BRIP1: variants seen among roughly 807,000 people sequenced by gnomAD.
The protein encoded by BRIP1 is BRCA1 interacting DNA helicase 1.
In BRIP1, 88 loss-of-function variants were observed where a neutral mutation model predicts 119.7. The ratio of observed to expected loss-of-function variants is 0.74; its 90% CI spans 0.62 to 0.88. BRIP1 has a LOEUF of 0.88. BRIP1 is among the 40% of genes least tolerant of loss of function. BRIP1 has a pLI of 0.00. For missense variants in BRIP1, 1,259 were observed against 1,455.4 expected (o/e 0.87, Z 2.20); for synonymous variants, 443 against 496.5 (o/e 0.89, Z 1.43).
intron 6 of BRIP1, among the ~76,000 whole-genome samples, chr17:61,830,491 AG>A (rs960947303): frequency 2.0e-5 from 3 of 152,120 alleles, no homozygotes; most frequent in Non-Finnish European, 4.4e-5. Context: ...GAAATGAAAG[AG>A]GGCATATCAC....
At chr17:61,779,850 A>C (rs2077587299) in intron 13 of BRIP1, among the ~76,000 whole-genome samples, 1 of 151,952 alleles carries the variant, frequency 6.6e-6, no homozygotes, top group Non-Finnish European at 1.5e-5. Context: ...CAGCAACTTG[A>C]GAGGCTGAAG....
At chr17:61,773,565 T>A (rs2077490386) in intron 14 of BRIP1, among the ~76,000 whole-genome samples, 1 of 151,670 alleles carries the variant, frequency 6.6e-6, no homozygotes, top group East Asian at 1.9e-4. Flanking sequence ...AAAAATGGGA[T>A]CTAATTAAAC....
rs1188426410 is a variant in BRIP1 at position 61,724,678 on chromosome 17, A to G, written c.2380-8615T>C. 6.6e-6 allele frequency among the ~76,000 whole-genome samples: 1 copy of G among 152,188 alleles called. No individual in the cohort carries two copies. The highest frequency in any genetic ancestry group is 1.9e-4 in the East Asian group (1 of 5,206). On this transcript the variant is annotated intron_variant, in intron 16 of 19. Coordinates refer to ENST00000259008, the MANE Select transcript of BRIP1 (RefSeq NM_032043.3). This position sits in a 1 kb window ranked among gnomAD's most constrained non-coding sequence, Gnocchi z 5.1. ...ATAAATGCCTTCCTGAAAGCAATCAATAGAAGAATATAATTTTTTTCTTGT... is the reference window on the plus strand; with the variant it reads ...ATAAATGCCTTCCTGAAAGCAATCAGTAGAAGAATATAATTTTTTTCTTGT...
Position 61,710,694 on chromosome 17 carries a change from G to C in BRIP1, c.2492+5257C>G, listed in dbSNP as rs535531205. The stretch of plus-strand genomic sequence containing the variant: ...GTAGAGGATAAGGATGAAAAAGCAG[G>C]TATTACAGTTTTAGAAATGGATGGG... On this transcript the variant is annotated intron_variant, in intron 17 of 19. Coordinates refer to ENST00000259008, the MANE Select transcript of BRIP1 (RefSeq NM_032043.3). The surrounding 1 kb of genome is among the most constrained non-coding windows in gnomAD (Gnocchi z 5.4). Among the ~76,000 whole-genome samples the C allele has an allele frequency of 5.9e-5, 9 of 152,244 alleles. No individual in the cohort carries two copies. In the East Asian group the frequency reaches 1.7e-3, roughly 29 times the overall value.
chr17:61,729,096 CAT>C lies in BRIP1; in HGVS notation c.2380-13035_2380-13034del, dbSNP rs1258224468. Among the ~76,000 whole-genome samples, 2 of 151,914 alleles carry C rather than the reference CAT, an allele frequency of 1.3e-5. No individual in the cohort carries two copies. Among genetic ancestry groups the C allele is most frequent in the African/African-American group, 4.8e-5 (2 of 41,362 alleles). The stretch of plus-strand genomic sequence containing the variant: ...GGGAGTTCGAGACCAGCCTGACCAA[CAT>C]AGAGACACCCCATCTCTACTAAAAA... On this transcript the variant is annotated intron_variant, in intron 16 of 19. Coordinates refer to ENST00000259008, the MANE Select transcript of BRIP1 (RefSeq NM_032043.3). The surrounding 1 kb of genome is among the most constrained non-coding windows in gnomAD (Gnocchi z 5.6).
intron 14 of BRIP1, among the ~76,000 whole-genome samples, chr17:61,773,909 T>C: frequency 6.6e-6 from 1 of 152,106 alleles, no homozygotes; most frequent in Admixed American, 6.6e-5. Context: ...CCAGTTAGAA[T>C]GGTGATCATT....
At chr17:61,790,874 G>A (rs879917303) in intron 10 of BRIP1, among the ~76,000 whole-genome samples, 2 of 151,940 alleles carry the variant, frequency 1.3e-5, no homozygotes. Flanking sequence ...CAATCCGCCA[G>A]CCTCAGCCTG....
At position 61,803,727 on chromosome 17, in the gene BRIP1, A is replaced by G. The variant is rs1203405977; in HGVS notation, c.919-2253T>C. On this transcript the variant is annotated intron_variant, in intron 7 of 19. Coordinates refer to ENST00000259008, the MANE Select transcript of BRIP1 (RefSeq NM_032043.3). The surrounding 1 kb of genome is among the most constrained non-coding windows in gnomAD (Gnocchi z 4.3). ...CTATTAAAAATGTACAAAATTAGAA[A>G]AGTATATATATTTTTAGTAGAAGTA... 6.6e-6 allele frequency among the ~76,000 whole-genome samples: 1 copy of G among 152,194 alleles called. No homozygotes were observed. The highest frequency in any genetic ancestry group is 1.5e-5 in the Non-Finnish European group (1 of 68,040).
At position 61,848,874 on chromosome 17, in the gene BRIP1, A is replaced by G. The variant is rs1260218141; in HGVS notation, c.507+255T>C. On this transcript the variant is annotated intron_variant, in intron 5 of 19. Transcript: ENST00000259008. This position sits in a 1 kb window ranked among gnomAD's most constrained non-coding sequence, Gnocchi z 4.3. ...TATCACTAAGATATGCCTTAAGTAA[A>G]TATTTTACTATCAAATTCCTCATAT... Among the ~76,000 whole-genome samples the G allele has an allele frequency of 6.6e-6, 1 of 152,198 alleles. No homozygotes were observed. The highest frequency in any genetic ancestry group is 1.5e-5 in the Non-Finnish European group (1 of 68,036).
chr17:61,764,948 T>A (rs2077329937), intron 14 of BRIP1, among the ~76,000 whole-genome samples: 1 of 151,990 alleles, frequency 6.6e-6, no homozygotes, highest in Admixed American at 6.6e-5. Flanking sequence ...AGGTGCAGCA[T>A]TTAAGAGACC....
chr17:61,801,254 C>T lies in BRIP1; in HGVS notation c.1139G>A (p.Ser380Asn), dbSNP rs569696977. 1.9e-6 allele frequency: 3 copies of T among 1,609,072 alleles called. No individual in the cohort carries two copies. Among genetic ancestry groups the T allele is most frequent in the Non-Finnish European group, 2.6e-6 (3 of 1,175,400 alleles). ...NYLLDAQIRE[S>N]MDLNLKEQVV... The stretch of plus-strand genomic sequence containing the variant: ...TCTCATTTTTACACATATACTCACA[C>T]TTTCCCTTATTTGTGCATCTAGAAG... The change falls in exon 8 of 20, where the codon AGT becomes AAT. Residue 380 changes from serine to asparagine, a missense_variant and splice_region_variant. Ser to Asn is a conservative substitution (Grantham distance 46, BLOSUM62 1). This residue lies in a region of BRIP1 where 501 missense variants were observed against 544.0 expected (regional missense o/e 0.92). Transcript: ENST00000259008.
rs907357440 is a variant in BRIP1 at position 61,755,429 on chromosome 17, T to A, written c.2098-10838A>T. On this transcript the variant is annotated intron_variant, in intron 14 of 19. Coordinates refer to ENST00000259008, the MANE Select transcript of BRIP1 (RefSeq NM_032043.3). The surrounding 1 kb of genome is among the most constrained non-coding windows in gnomAD (Gnocchi z 4.5). ...CAAAAATTAGCTGGGTGTGGTGGTG[T>A]GTGCCTGTGATCCCAGTTACTCAGG... 2.6e-5 allele frequency among the ~76,000 whole-genome samples: 4 copies of A among 151,904 alleles called. No homozygotes were observed. Among genetic ancestry groups the A allele is most frequent in the Non-Finnish European group, 5.9e-5 (4 of 67,900 alleles).
At chr17:61,858,443 G>A (rs1470365504) in intron 3 of BRIP1, among the ~76,000 whole-genome samples, 1 of 150,276 alleles carries the variant, frequency 6.7e-6, no homozygotes, top group African/African-American at 2.5e-5. Context: ...GCGCGATCTC[G>A]GCTCACTGCA....
At position 61,832,806 on chromosome 17, in the gene BRIP1, T is replaced by A. The variant is rs528218601; in HGVS notation, c.627+14295A>T. ...ATTTAAACCGGTTCTGAGTATTAGATGGCAACAATGAATCAATTTTAACTT... is the reference window on the plus strand; with the variant it reads ...ATTTAAACCGGTTCTGAGTATTAGAAGGCAACAATGAATCAATTTTAACTT... On this transcript the variant is annotated intron_variant, in intron 6 of 19. Transcript: ENST00000259008. The surrounding 1 kb of genome is among the most constrained non-coding windows in gnomAD (Gnocchi z 5.5). Among the ~76,000 whole-genome samples, 1 of 152,248 alleles carries A rather than the reference T, an allele frequency of 6.6e-6. No homozygotes were observed. The highest frequency in any genetic ancestry group is 2.4e-5 in the African/African-American group (1 of 41,466).
rs189707813 is a variant in BRIP1 at position 61,799,031 on chromosome 17, C to T, written c.1340+69G>A. Reference sequence around the variant, plus strand: ...AACCAAAGTTTACTAACTTTAAATACTCTGGCATAATCAAACATATTTTTC... The same window carrying T: ...AACCAAAGTTTACTAACTTTAAATATTCTGGCATAATCAAACATATTTTTC... On this transcript the variant is annotated intron_variant, in intron 9 of 19. Coordinates refer to ENST00000259008, the MANE Select transcript of BRIP1 (RefSeq NM_032043.3). This position sits in a 1 kb window ranked among gnomAD's most constrained non-coding sequence, Gnocchi z 5.1. 3.5e-5 allele frequency: 51 copies of T among 1,439,486 alleles called. No individual in the cohort carries two copies. The African/African-American group carries it at 6.2e-4, about 17-fold the overall frequency. 89.2% of individuals were successfully genotyped at this position (1,439,486 alleles called of 1,614,324 possible).
chr17:61,791,523 T>C (rs941361003), intron 10 of BRIP1, among the ~76,000 whole-genome samples: 2 of 149,496 alleles, frequency 1.3e-5, no homozygotes, highest in Non-Finnish European at 3.0e-5. Flanking sequence ...ATTTGAGTTT[T>C]CCATTGTCAT....
chr17:61,775,620 TA>T lies in BRIP1; in HGVS notation c.2097+780del, dbSNP rs1195765813. On this transcript the variant is annotated intron_variant, in intron 14 of 19. Coordinates refer to ENST00000259008, the MANE Select transcript of BRIP1 (RefSeq NM_032043.3). This position sits in a 1 kb window ranked among gnomAD's most constrained non-coding sequence, Gnocchi z 4.4. ...ATATACTAAATAATTTCAAATTAAC[TA>T]AAAAAAATTATTAAAAATCAGTGAC... Among the ~76,000 whole-genome samples, 1 of 151,842 alleles carries T rather than the reference TA, an allele frequency of 6.6e-6. No individual in the cohort carries two copies. Among genetic ancestry groups the T allele is most frequent in the Non-Finnish European group, 1.5e-5 (1 of 67,938 alleles).
In BRIP1 at chr17:61,760,204, G is replaced by A. The variant is rs2077258047; in HGVS notation, c.2098-15613C>T. Among the ~76,000 whole-genome samples, 1 of 151,666 alleles carries A rather than the reference G, an allele frequency of 6.6e-6. No individual in the cohort carries two copies. The highest frequency in any genetic ancestry group is 6.6e-5 in the Admixed American group (1 of 15,190). ...CCTGAACAACCAAACAACCAAGGGG[G>A]CAATGAAGAAATTAAAAGGGAAATT... On this transcript the variant is annotated intron_variant, in intron 14 of 19. Coordinates refer to ENST00000259008, the MANE Select transcript of BRIP1 (RefSeq NM_032043.3). This position sits in a 1 kb window ranked among gnomAD's most constrained non-coding sequence, Gnocchi z 4.6.
In BRIP1 at chr17:61,713,500, T is replaced by C. The variant is rs1192467007; in HGVS notation, c.2492+2451A>G. 6.6e-6 allele frequency among the ~76,000 whole-genome samples: 1 copy of C among 151,986 alleles called. No homozygotes were observed. The highest frequency in any genetic ancestry group is 2.4e-5 in the African/African-American group (1 of 41,394). ...CTCCTGATCCTGTGTAGGCCTAGGA[T>C]ACTACATGAGTGTTTATGTCTTCAT... On this transcript the variant is annotated intron_variant, in intron 17 of 19. Coordinates refer to ENST00000259008, the MANE Select transcript of BRIP1 (RefSeq NM_032043.3). This position sits in a 1 kb window ranked among gnomAD's most constrained non-coding sequence, Gnocchi z 4.9.
Sources: allele counts gnomAD v4.1 joint callset (sites outside exome capture counted in the v4.1 genomes callset), GRCh38; gene constraint gnomAD v4.1.1; regional missense constraint gnomAD v4.1.1; non-coding constraint Gnocchi (gnomAD v3.1); transcripts MANE v1.5; gene names NCBI Gene and HGNC (gene_info 2026-07-23, HGNC 2026-07-21).